The following FDFT1 variants were observed in gnomAD, a reference collection of about 807,000 sequenced individuals.
The protein encoded by FDFT1 is squalene synthase.
Under a neutral mutation model 46.8 loss-of-function variants are expected in FDFT1, and 68 were observed. That is an observed-to-expected ratio of 1.45 (90% confidence interval 1.19 to 1.78). FDFT1 has a LOEUF of 1.78. Among genes scored for constraint, FDFT1 ranks in the 40% most tolerant of loss-of-function variants. The pLI is 0.00. For synonymous variants in FDFT1, 351 were observed against 185.1 expected (o/e 1.90, Z -7.28); for missense variants, 928 against 524.4 (o/e 1.77, Z -7.52).
chr8:11,815,556 C>T (rs998843434), intron 3 of FDFT1, among the ~76,000 whole-genome samples: 6 of 152,260 alleles, frequency 3.9e-5, no homozygotes, highest in East Asian at 1.9e-4. Flanking sequence ...TTTAAATGAT[C>T]GCCATTGTAA....
intron 4 of FDFT1, among the ~76,000 whole-genome samples, chr8:11,823,685 T>TC (rs1809570275): frequency 6.6e-6 from 1 of 152,030 alleles, no homozygotes; most frequent in African/African-American, 2.4e-5. Context: ...TTCCTTGCCC[T>TC]CAGCCTCCTG....
intron 3 of FDFT1, among the ~76,000 whole-genome samples, chr8:11,810,933 T>TAAAAAAAAA (rs71539744): frequency 1.1e-5 from 1 of 89,448 alleles, no homozygotes; most frequent in Non-Finnish European, 2.1e-5. Context: ...GAGCAATATT[T>TAAAAAAAAA]AAAAAAAAAA....
intron 6 of FDFT1, among the ~76,000 whole-genome samples, chr8:11,830,923 A>G (rs1202624232): frequency 1.3e-5 from 2 of 152,252 alleles, no homozygotes; most frequent in African/African-American, 4.8e-5. Flanking sequence ...AAGTGAAGAA[A>G]GTAACAGCAT....
chr8:11,822,198 A>G (rs376870851), intron 4 of FDFT1, among the ~76,000 whole-genome samples: 6 of 152,222 alleles, frequency 3.9e-5, no homozygotes, highest in East Asian at 1.9e-4. Flanking sequence ...CCTATTTTTC[A>G]TAGGAATGGT....
intron 1 of FDFT1, among the ~76,000 whole-genome samples, chr8:11,796,183 A>C (rs919671826): frequency 6.6e-5 from 10 of 152,276 alleles, no homozygotes; most frequent in African/African-American, 2.4e-4. Flanking sequence ...TACAAAGCCA[A>C]ATCCTACTGT....
chr8:11,832,429 G>T (rs1040551249), intron 7 of FDFT1, among the ~76,000 whole-genome samples: 1 of 151,266 alleles, frequency 6.6e-6, no homozygotes, highest in African/African-American at 2.4e-5. Flanking sequence ...GCACGCCTGT[G>T]GTCCCAGCTA....
chr8:11,831,440 G>C (rs754933711), intron 6 of FDFT1, 78 bp from the exon 7 acceptor site: 9 of 1,354,810 alleles, frequency 6.6e-6, no homozygotes, highest in Non-Finnish European at 8.3e-6. Flanking sequence ...TTCAACAGAA[G>C]GTTTTCTTAC....
In FDFT1 at chr8:11,809,832, G is replaced by C. The variant is rs764491287; in HGVS notation, c.363G>C (p.Val121=). The change falls in exon 3 of 8, where the codon GTG becomes GTC. Residue 121 remains valine, a synonymous_variant. Transcript: ENST00000220584. The part of the protein sequence containing the change: ...FMESKEKDRQ[V]LEDFPTISLE... ...AGAGCAAGGAGAAGGATCGCCAGGT[G>C]CTGGAGGACTTCCCAACGGTGAGTG... is the stretch of plus-strand genomic sequence containing the variant. 1.2e-6 allele frequency: 2 copies of C among 1,613,616 alleles called. No individual in the cohort carries two copies. The highest frequency in any genetic ancestry group is 1.7e-4 in the Middle Eastern group (1 of 6,056).
chr8:11,808,873 C>T lies in FDFT1; in HGVS notation c.179C>T (p.Ala60Val). 5 of 1,613,864 alleles carry T rather than the reference C, an allele frequency of 3.1e-6. No homozygotes were observed. The highest frequency in any genetic ancestry group is 2.2e-5 in the East Asian group (1 of 44,878). Residue 60 changes from alanine (A) to valine (V), a missense_variant, in exon 2 of 8, where the codon GCG (alanine) becomes GTG (valine). Transcript: ENST00000220584. ...TSRSFAAVIQ[A>V]LDGEMRNAVC... ...CGCAGTTTCGCAGCTGTTATCCAGG[C>T]GCTGGATGGGGAAATGCGGTGAGTG...
At chr8:11,805,125 C>G (rs748314585) in intron 1 of FDFT1, among the ~76,000 whole-genome samples, 2 of 151,798 alleles carry the variant, frequency 1.3e-5, no homozygotes, top group Non-Finnish European at 2.9e-5. Flanking sequence ...CTGCATTGCC[C>G]AGGCTGGTCT....
At chr8:11,823,363 G>C (rs1215494855) in intron 4 of FDFT1, among the ~76,000 whole-genome samples, 3 of 152,118 alleles carry the variant, frequency 2.0e-5, no homozygotes, top group African/African-American at 7.2e-5. Context: ...TTTTTGGATA[G>C]TACTATAGAT....
At chr8:11,797,006 G>A (rs1204334785) in intron 1 of FDFT1, among the ~76,000 whole-genome samples, 1 of 152,252 alleles carries the variant, frequency 6.6e-6, no homozygotes, top group Non-Finnish European at 1.5e-5. Flanking sequence ...GCAGATTAAA[G>A]GACAGTTTCT....
chr8:11,828,570 A>G (rs538210796), intron 5 of FDFT1, among the ~76,000 whole-genome samples: 1 of 152,358 alleles, frequency 6.6e-6, no homozygotes, highest in African/African-American at 2.4e-5. Flanking sequence ...AGCCACGGGC[A>G]TGTGATGCAT....
chr8:11,821,442 T>G, intron 3 of FDFT1, among the ~76,000 whole-genome samples: 1 of 152,210 alleles, frequency 6.6e-6, no homozygotes, highest in Middle Eastern at 3.4e-3. Context: ...AATATAAAAA[T>G]TAGCTGGGCG....
At chr8:11,837,266 T>C (rs1811675662) in intron 7 of FDFT1, among the ~76,000 whole-genome samples, 1 of 152,258 alleles carries the variant, frequency 6.6e-6, no homozygotes, top group African/African-American at 2.4e-5. Context: ...GGTCTTGTTC[T>C]GTCATCCAGG....
intron 2 of FDFT1, 148 bp from the exon 3 acceptor site, chr8:11,809,519 G>C: frequency 7.6e-7 from 1 of 1,309,662 alleles, no homozygotes; most frequent in Non-Finnish European, 9.8e-7. Context: ...TGTAACTTTC[G>C]TTAAGTATGA....
intron 4 of FDFT1, 83 bp downstream of exon 4, chr8:11,821,961 T>C: frequency 6.6e-7 from 1 of 1,519,184 alleles, no homozygotes; most frequent in Non-Finnish European, 9.0e-7. Context: ...ACAAGAAAAG[T>C]TGTCCAGTAT....
chr8:11,801,883 G>T (rs140580029), upstream of FDFT1: 1 of 447,388 alleles, frequency 2.2e-6, no homozygotes, highest in African/African-American at 2.0e-5. Context: ...GTAGAGACGG[G>T]TTTCACCATG....
In FDFT1 at chr8:11,802,817, C is replaced by G. The variant is rs754408818; in HGVS notation, c.-16C>G. ...GAGGTGAGAGTCGCGCCCGGGAGTC[C>G]GCCGCCTGCGCCAGGATGGAGTTCG... is the stretch of plus-strand genomic sequence containing the variant. On this transcript the variant is annotated 5_prime_UTR_variant, in exon 1 of 8. Coordinates refer to ENST00000220584, the MANE Select transcript of FDFT1 (RefSeq NM_004462.5). 10 of 1,597,760 alleles carry G rather than the reference C, an allele frequency of 6.3e-6. No homozygotes were observed. The highest frequency in any genetic ancestry group is 3.4e-5 in the South Asian group (3 of 88,900).
Sources: allele counts gnomAD v4.1 joint callset (sites outside exome capture counted in the v4.1 genomes callset), GRCh38; gene constraint gnomAD v4.1.1; transcripts MANE v1.5; gene names NCBI Gene and HGNC (gene_info 2026-07-23, HGNC 2026-07-21).